BCL2L12: variants seen among roughly 807,000 people sequenced by gnomAD.
BCL2L12 encodes bcl-2-like protein 12.
Under a neutral mutation model 25.7 loss-of-function variants are expected in BCL2L12, and 27 were observed. That is an observed-to-expected ratio of 1.05 (90% CI 0.78 to 1.45). BCL2L12 has a LOEUF of 1.45. Ranked by LOEUF, BCL2L12 falls within the 40% of genes most tolerant of loss-of-function variation. The pLI is 0.00. For missense variants in BCL2L12, 302 were observed against 329.8 expected (o/e 0.92, Z 0.65); for synonymous variants, 132 against 145.6 (o/e 0.91, Z 0.67).
chr19:49,665,759 T>G (rs1175436919), upstream of BCL2L12: 1 of 1,539,252 alleles, frequency 6.5e-7, no homozygotes, highest in African/African-American at 1.4e-5. Flanking sequence ...TGGGGCTTTC[T>G]TTTTGATCGA....
Position 49,671,865 on chromosome 19 carries a change from C to T in BCL2L12, c.702+1377C>T, listed in dbSNP as rs545350819. ...TGGTGGGCTCTGGTTTCACCCCCAA[C>T]GAGGCCTTCCCAGGTCCCCATTGAC... On this transcript the variant is annotated intron_variant, in intron 6 of 6. Transcript: ENST00000246784. Among the ~76,000 whole-genome samples the T allele has an allele frequency of 2.1e-4, 32 of 152,300 alleles. No homozygotes were observed. In the South Asian group the frequency reaches 3.3e-3, roughly 16 times the overall value.
At chr19:49,665,747 G>C, upstream of BCL2L12, 1 of 1,522,458 alleles carries the variant, frequency 6.6e-7, no homozygotes. Context: ...GCTCTAGAGC[G>C]CTGGGGCTTT....
At chr19:49,671,194 G>A (rs1003172862) in intron 6 of BCL2L12, among the ~76,000 whole-genome samples, 1 of 150,684 alleles carries the variant, frequency 6.6e-6, no homozygotes, top group Non-Finnish European at 1.5e-5. Flanking sequence ...CTGGTGCGGT[G>A]GCTCACACCT....
In BCL2L12 at chr19:49,672,567, G is replaced by A. The variant is rs2081982482; in HGVS notation, c.703-1131G>A. 6.6e-6 allele frequency among the ~76,000 whole-genome samples: 1 copy of A among 152,226 alleles called. No homozygotes were observed. Among genetic ancestry groups the A allele is most frequent in the Non-Finnish European group, 1.5e-5 (1 of 68,038 alleles). On this transcript the variant is annotated intron_variant, in intron 6 of 6. Coordinates refer to ENST00000246784, the MANE Select transcript of BCL2L12 (RefSeq NM_138639.2). The surrounding 1 kb of genome is among the most constrained non-coding windows in gnomAD (Gnocchi z 4.1). ...GGCGAGGGCAGAAGTAGGGGCACAG[G>A]GAGGAGGTGAGTGGATCTCACCCAA...
chr19:49,665,493 C>T (rs563529409), upstream of BCL2L12: 177 of 247,224 alleles, frequency 7.2e-4, 1 homozygote, highest in African/African-American at 3.5e-3. Context: ...CCTCCAGCGT[C>T]GGCCACTGTA....
upstream of BCL2L12, chr19:49,665,725 C>G (rs980322093): frequency 3.4e-6 from 5 of 1,463,384 alleles, no homozygotes; most frequent in Non-Finnish European, 4.6e-6. Flanking sequence ...CACCCCCTTT[C>G]CCGTCAGCTG....
At chr19:49,671,725 A>C (rs1188307036) in intron 6 of BCL2L12, among the ~76,000 whole-genome samples, 2 of 152,192 alleles carry the variant, frequency 1.3e-5, no homozygotes, top group Non-Finnish European at 2.9e-5. Context: ...CCCTCTGTGC[A>C]CTGCCTGGCA....
In BCL2L12 at chr19:49,670,293, C is replaced by CT. The variant is rs1183235859; in HGVS notation, c.508dup (p.Cys170LeufsTer2). On this transcript the variant is annotated frameshift_variant, in exon 6 of 7. Transcript: ENST00000246784. LOFTEE classifies it high-confidence loss of function. The stretch of plus-strand genomic sequence containing the variant: ...CTTTCGCCCGCCTGGTGGAGCTGTT[C>CT]TGTAGCCGGGATGACAGCTCTCGCC... 2.5e-6 allele frequency: 4 copies of CT among 1,611,082 alleles called. No individual in the cohort carries two copies. The South Asian group carries it at 4.4e-5, about 18-fold the overall frequency.
At chr19:49,669,958 G>A (rs926628768) in intron 5 of BCL2L12, among the ~76,000 whole-genome samples, 92 of 152,296 alleles carry the variant, frequency 6.0e-4, no homozygotes, top group African/African-American at 2.2e-3. Flanking sequence ...GATTAACTCA[G>A]TTACAGTAGA....
At chr19:49,669,243 T>C in intron 5 of BCL2L12, 128 bp downstream of exon 5, 1 of 1,482,084 alleles carries the variant, frequency 6.7e-7, no homozygotes, top group Admixed American at 2.2e-5. Context: ...AAGGTTTCAA[T>C]GAAGGGTTGA....
rs577977729 is a variant in BCL2L12 at position 49,671,836 on chromosome 19, C to T, written c.702+1348C>T. 2.2e-4 allele frequency among the ~76,000 whole-genome samples: 34 copies of T among 152,272 alleles called. 1 individual carries two copies. The South Asian group carries it at 6.8e-3, about 31-fold the overall frequency. On this transcript the variant is annotated intron_variant, in intron 6 of 6. Transcript: ENST00000246784. ...GGAACCCCCTGCCTCCGTCCTGCTC[C>T]TTCTGGTGGGCTCTGGTTTCACCCC...
At chr19:49,670,525 T>C in intron 6 of BCL2L12, 37 bp downstream of exon 6, 2 of 1,528,712 alleles carry the variant, frequency 1.3e-6, no homozygotes, top group Non-Finnish European at 1.8e-6. Flanking sequence ...GGCCTCACTT[T>C]ACCTAACTGT....
At position 49,670,489 on chromosome 19, in the gene BCL2L12, G is replaced by C; in HGVS notation, c.702+1G>C. On this transcript the variant is annotated splice_donor_variant, in intron 6 of 6. Transcript: ENST00000246784. LOFTEE classifies it high-confidence loss of function. Reference sequence around the variant, plus strand: ...CTGGATCCAGGCCCACGGGGGCTGGGTGAGCCGCTGAAGCCTCTCTCTCCG... The same window carrying C: ...CTGGATCCAGGCCCACGGGGGCTGGCTGAGCCGCTGAAGCCTCTCTCTCCG... 6.5e-7 allele frequency: 1 copy of C among 1,537,174 alleles called. No individual in the cohort carries two copies. The highest frequency in any genetic ancestry group is 8.7e-7 in the Non-Finnish European group (1 of 1,144,218).
At chr19:49,665,829 A>G (rs567569942), upstream of BCL2L12, 15 of 1,590,572 alleles carry the variant, frequency 9.4e-6, no homozygotes, top group African/African-American at 1.1e-4. Context: ...AGCCGATGGG[A>G]CGGCCCGCTG....
Position 49,672,664 on chromosome 19 carries a change from T to G in BCL2L12, c.703-1034T>G, listed in dbSNP as rs1190358815. Among the ~76,000 whole-genome samples, 4 of 147,474 alleles carry G rather than the reference T, an allele frequency of 2.7e-5. No homozygotes were observed. Among genetic ancestry groups the G allele is most frequent in the Non-Finnish European group, 4.5e-5 (3 of 67,278 alleles). ...ACAGATTTGGCTAATGGGCCAGATG[T>G]GGGGACAGACTAAAGGATGCTGGCC... On this transcript the variant is annotated intron_variant, in intron 6 of 6. Transcript: ENST00000246784. This position sits in a 1 kb window ranked among gnomAD's most constrained non-coding sequence, Gnocchi z 4.1.
At chr19:49,673,299 T>C (rs1233160650) in intron 6 of BCL2L12, among the ~76,000 whole-genome samples, 1 of 152,124 alleles carries the variant, frequency 6.6e-6, no homozygotes, top group Non-Finnish European at 1.5e-5. Flanking sequence ...CTTATTGTCC[T>C]CGTCTTGTGG....
At position 49,666,805 on chromosome 19, in the gene BCL2L12, A is replaced by G; in HGVS notation, c.107+6A>G. On this transcript the variant is annotated splice_donor_region_variant and intron_variant, in intron 2 of 6. Transcript: ENST00000246784. ...CCTGTTCCAACTCCACCTAGGTAAG[A>G]GGAGTGGCCCTTCTCCCCCAGGGGC... 1 of 1,554,068 alleles carries G rather than the reference A, an allele frequency of 6.4e-7. No homozygotes were observed.
At chr19:49,666,170 A>G in intron 1 of BCL2L12, 103 bp downstream of exon 1, 1 of 1,391,200 alleles carries the variant, frequency 7.2e-7, no homozygotes, top group Non-Finnish European at 9.6e-7. Context: ...CCAAGGGTCC[A>G]GGGTCCTCTA....
At chr19:49,670,623 C>T (rs533454860) in intron 6 of BCL2L12, 135 bp downstream of exon 6, 43 of 1,244,380 alleles carry the variant, frequency 3.5e-5, no homozygotes, top group Middle Eastern at 2.7e-4. Context: ...TCTGTTGAGC[C>T]CTTGCTGTAT....
Sources: allele counts gnomAD v4.1 joint callset (sites outside exome capture counted in the v4.1 genomes callset), GRCh38; gene constraint gnomAD v4.1.1; non-coding constraint Gnocchi (gnomAD v3.1); transcripts MANE v1.5; gene names NCBI Gene and HGNC (gene_info 2026-07-23, HGNC 2026-07-21).